TMEM135: variants seen among roughly 807,000 people sequenced by gnomAD.
TMEM135 encodes the protein peroxisomal membrane protein 52.
TMEM135 carries 30 observed loss-of-function variants against 60.3 expected under a neutral mutation model. The ratio of observed to expected loss-of-function variants is 0.50; its 90% CI spans 0.37 to 0.68. The LOEUF is 0.68. Among genes scored for constraint, TMEM135 ranks in the 30% least tolerant of loss-of-function variants. The pLI, the probability that TMEM135 is intolerant of heterozygous loss-of-function variation, is 0.00. For synonymous variants in TMEM135, 190 were observed against 186.7 expected, an observed-to-expected ratio of 1.02 and a Z score of -0.14; for missense variants, 468 against 548.8, an observed-to-expected ratio of 0.85 and a Z score of 1.47.
At chr11:87,184,509 T>C (rs1269979171) in intron 5 of TMEM135, among the ~76,000 whole-genome samples, 2 of 152,150 alleles carry the variant, frequency 1.3e-5, no homozygotes, top group South Asian at 2.1e-4. Flanking sequence ...TAGTGAATTT[T>C]AGAACTGCTT....
chr11:87,175,694 G>T (rs1159810794), intron 5 of TMEM135, among the ~76,000 whole-genome samples: 1 of 152,098 alleles, frequency 6.6e-6, no homozygotes, highest in Non-Finnish European at 1.5e-5. Flanking sequence ...TGATTCTAAT[G>T]GGAAGAGCTT....
chr11:87,232,506 G>A (rs1038802509), intron 5 of TMEM135, among the ~76,000 whole-genome samples: 2 of 152,052 alleles, frequency 1.3e-5, no homozygotes, highest in African/African-American at 4.8e-5. Flanking sequence ...AAAAGACAAT[G>A]GAGTGACATT....
intron 6 of TMEM135, among the ~76,000 whole-genome samples, chr11:87,282,477 C>T (rs1942078401): frequency 6.6e-6 from 1 of 152,174 alleles, no homozygotes; most frequent in African/African-American, 2.4e-5. Flanking sequence ...CTTGGCCAGG[C>T]TGGTCTCGAA....
intron 1 of TMEM135, among the ~76,000 whole-genome samples, chr11:87,066,598 CAAA>C (rs34204350): frequency 0.014 from 1,684 of 121,220 alleles, 29 homozygotes; most frequent in African/African-American, 0.038. Flanking sequence ...CAGAGTTCAC[CAAA>C]AAAAAAAAAA....
rs1942764052 is a variant in TMEM135, at chr11:87,318,187, T to C, written c.1128T>C (p.His376=). ...IEAGKVPYFP[H]ADTIIYSIST... ...CAGGGAAGGTTCCCTATTTTCCTCA[T>C]GCAGATACTATCATCTATTCCATCT... The change falls in exon 13 of 15, where the codon CAT becomes CAC. Residue 376 remains histidine (H), a synonymous_variant. Coordinates refer to ENST00000305494, the MANE Select transcript of TMEM135 (RefSeq NM_022918.4). 6 of 1,612,932 alleles carry C rather than the reference T, an allele frequency of 3.7e-6. No individual in the cohort carries two copies. The highest frequency in any genetic ancestry group is 1.3e-5 in the African/African-American group (1 of 75,022).
At chr11:87,129,966 C>G (rs1937870009) in intron 4 of TMEM135, among the ~76,000 whole-genome samples, 1 of 152,002 alleles carries the variant, frequency 6.6e-6, no homozygotes, top group African/African-American at 2.4e-5. Context: ...CTCCAGACAT[C>G]TAGAATAAAG....
chr11:87,045,569 G>A (rs1949788877), intron 1 of TMEM135, among the ~76,000 whole-genome samples: 1 of 152,198 alleles, frequency 6.6e-6, no homozygotes, highest in Non-Finnish European at 1.5e-5. Flanking sequence ...TTGGTAGAAA[G>A]AGACCCACCT....
At chr11:87,086,164 T>A (rs989317842) in intron 3 of TMEM135, among the ~76,000 whole-genome samples, 2 of 152,206 alleles carry the variant, frequency 1.3e-5, no homozygotes, top group African/African-American at 4.8e-5. Context: ...TCTGTAAGGA[T>A]TTGTTCTTAG....
chr11:87,066,940 C>T (rs1335991369), intron 1 of TMEM135, among the ~76,000 whole-genome samples: 2 of 151,286 alleles, frequency 1.3e-5, no homozygotes, highest in Non-Finnish European at 2.9e-5. Context: ...ACCACCACGC[C>T]CGTCTCATTT....
intron 4 of TMEM135, among the ~76,000 whole-genome samples, chr11:87,103,059 C>T (rs78702104): frequency 0.015 from 2,282 of 152,108 alleles, 62 homozygotes; most frequent in African/African-American, 0.053. Context: ...CTTATTTTAA[C>T]TTAGCATAAT....
At chr11:87,091,590 C>T (rs1268658593) in intron 4 of TMEM135, among the ~76,000 whole-genome samples, 195 bp downstream of exon 4, 1 of 152,082 alleles carries the variant, frequency 6.6e-6, no homozygotes, top group East Asian at 1.9e-4. Context: ...TTGAATTTCA[C>T]TTATTTTAGA....
chr11:87,063,196 C>G (rs752049065), intron 1 of TMEM135, among the ~76,000 whole-genome samples: 4 of 152,098 alleles, frequency 2.6e-5, no homozygotes, highest in Non-Finnish European at 4.4e-5. Context: ...TTTTGGTAAT[C>G]TGTCTTTTCA....
Position 87,197,251 on chromosome 11 carries a change from T to C in TMEM135, c.463-39387T>C, listed in dbSNP as rs1330357872. ...TCTATTATGTTTAGAAGTTTCCTGA[T>C]ATAAACAGAAGGTGCAATAGCTGGA... On this transcript the variant is annotated intron_variant, in intron 5 of 14. Transcript: ENST00000305494. 3.3e-5 allele frequency among the ~76,000 whole-genome samples: 5 copies of C among 152,248 alleles called. No individual in the cohort carries two copies. In the South Asian group the frequency reaches 8.3e-4, roughly 25 times the overall value.
chr11:87,145,715 T>C (rs867859234), intron 4 of TMEM135, among the ~76,000 whole-genome samples: 47 of 152,100 alleles, frequency 3.1e-4, no homozygotes, highest in African/African-American at 1.1e-3. Flanking sequence ...CTGTTGACCA[T>C]TTGTACGTCT....
At position 87,289,437 on chromosome 11, in the gene TMEM135, C is replaced by CTTTTTTT. The variant is rs376999371; in HGVS notation, c.510-6322_510-6316dup. On this transcript the variant is annotated intron_variant, in intron 6 of 14. Transcript: ENST00000305494. The stretch of plus-strand genomic sequence containing the variant: ...TATCCTTTAACAAATATCTCCATAT[C>CTTTTTTT]TTTTTTTTTTTTTTTTTTTTTTTTT... 5.1e-4 allele frequency among the ~76,000 whole-genome samples: 45 copies of CTTTTTTT among 87,574 alleles called. 1 individual carries two copies. Among genetic ancestry groups the CTTTTTTT allele is most frequent in the East Asian group, 3.9e-3 (7 of 1,778 alleles). 57.5% of individuals were successfully genotyped at this position (87,574 alleles called of 152,430 possible).
intron 3 of TMEM135, among the ~76,000 whole-genome samples, chr11:87,075,534 C>G (rs1399613870): frequency 1.3e-5 from 2 of 152,210 alleles, no homozygotes; most frequent in Non-Finnish European, 2.9e-5. Flanking sequence ...AAGTGATCCT[C>G]CTGCCTTGGC....
At position 87,096,109 on chromosome 11, in the gene TMEM135, C is replaced by CATATATGTAAAGAAAT; in HGVS notation, c.396+4715_396+4716insTATATGTAAAGAAATA. The CATATATGTAAAGAAAT allele has an allele frequency of 1.1e-5, 3 of 271,882 alleles. No homozygotes were observed. The South Asian group carries it at 1.4e-4, about 13-fold the overall frequency. The allele number at this position is 271,882 out of a possible 1,614,324, so 16.8% of individuals were successfully genotyped here. Reference sequence around the variant, plus strand: ...AAGCACCACATGGTGTCTCCTTCACCAATATAAAGAAAACCTACTTGTGCC... The same window carrying CATATATGTAAAGAAAT: ...AAGCACCACATGGTGTCTCCTTCACCATATATGTAAAGAAATAATATAAAGAAAACCTACTTGTGCC... On this transcript the variant is annotated intron_variant, in intron 4 of 14. Coordinates refer to ENST00000305494, the MANE Select transcript of TMEM135 (RefSeq NM_022918.4).
intron 2 of TMEM135, 133 bp downstream of exon 2, chr11:87,067,954 A>T (rs562307023): frequency 5.5e-4 from 615 of 1,117,298 alleles, no homozygotes; most frequent in Non-Finnish European, 7.7e-4. Flanking sequence ...AGTGACATTT[A>T]TGTCAATGAA....
chr11:87,252,708 C>T (rs10898645), intron 6 of TMEM135, among the ~76,000 whole-genome samples: 98,465 of 149,440 alleles, frequency 0.66, 33,008 homozygotes, highest in Non-Finnish European at 0.71. Context: ...GAGGTGGAGG[C>T]TGTGGTGAGC....
Sources: gnomAD v4.1 joint callset for allele counts (sites outside exome capture counted in the v4.1 genomes callset) on GRCh38, gnomAD v4.1.1 for gene constraint, MANE v1.5 for transcripts, NCBI Gene and HGNC (gene_info 2026-07-23, HGNC 2026-07-21) for gene names.